The following GALNT18 variants were observed in gnomAD, a reference collection of about 807,000 sequenced individuals.
GALNT18 encodes GalNAc-transferase 18.
A neutral mutation model predicts 69.5 loss-of-function variants in GALNT18; 44 were observed. The ratio of observed to expected loss-of-function variants is 0.63; its 90% confidence interval spans 0.50 to 0.81. The LOEUF (loss-of-function observed/expected upper bound fraction) is 0.81, where lower values mean the gene tolerates loss of function less well. Among genes scored for constraint, GALNT18 ranks in the 40% least tolerant of loss-of-function variants. The pLI, the probability that GALNT18 is intolerant of heterozygous loss-of-function variation, is 0.00. For missense variants in GALNT18, 715 were observed against 810.0 expected, an observed-to-expected ratio of 0.88 and a Z score of 1.42; for synonymous variants, 364 against 318.2, an observed-to-expected ratio of 1.14 and a Z score of -1.53.
At chr11:11,495,770 G>A (rs556814933) in intron 1 of GALNT18, among the ~76,000 whole-genome samples, 2 of 152,180 alleles carry the variant, frequency 1.3e-5, no homozygotes, top group Non-Finnish European at 2.9e-5. Flanking sequence ...CCTCATTATA[G>A]AAGCGGTAGC....
rs1333909827 is a variant in GALNT18, at chr11:11,543,498, G to A, written c.235+77861C>T. Among the ~76,000 whole-genome samples the A allele has an allele frequency of 1.3e-5, 2 of 152,184 alleles. No individual in the cohort carries two copies. The highest frequency in any genetic ancestry group is 2.9e-5 in the Non-Finnish European group (2 of 68,042). ...CCCCACCGTCCCCACCACCCACCAA[G>A]AGCCTGGCTTCTGCACAGGACACCA... is the stretch of plus-strand genomic sequence containing the variant. On this transcript the variant is annotated intron_variant, in intron 1 of 10. Coordinates refer to ENST00000227756, the MANE Select transcript of GALNT18 (RefSeq NM_198516.3). The surrounding 1 kb of genome is among the most constrained non-coding windows in gnomAD (Gnocchi z 5.1).
chr11:11,445,297 G>C (rs1379692068), intron 2 of GALNT18, among the ~76,000 whole-genome samples: 2 of 152,198 alleles, frequency 1.3e-5, no homozygotes, highest in Non-Finnish European at 2.9e-5. Context: ...GTAAGATGAA[G>C]GCTAATCATA....
intron 8 of GALNT18, 54 bp from the exon 9 acceptor site, chr11:11,327,235 A>T (rs879513700): frequency 8.5e-6 from 11 of 1,293,044 alleles, no homozygotes; most frequent in Non-Finnish European, 1.2e-5. Context: ...AGAGAGAGCA[A>T]ATGAATTAAC....
chr11:11,557,975 T>C (rs1355070668), intron 1 of GALNT18, among the ~76,000 whole-genome samples: 1 of 152,196 alleles, frequency 6.6e-6, no homozygotes, highest in East Asian at 1.9e-4. Context: ...ATTAGAAATG[T>C]CCCCAAAGTG....
rs186977131 is a variant in GALNT18 at position 11,549,262 on chromosome 11, T to C, written c.235+72097A>G. ...CCCAGGCCTGTGATCCTGGAAGAGC[T>C]AGACCAGTCCCAGACTGCTTAACTC... On this transcript the variant is annotated intron_variant, in intron 1 of 10. Coordinates refer to ENST00000227756, the MANE Select transcript of GALNT18 (RefSeq NM_198516.3). Among the ~76,000 whole-genome samples the C allele has an allele frequency of 8.5e-5, 13 of 152,330 alleles. No homozygotes were observed. The East Asian group carries it at 2.5e-3, about 29-fold the overall frequency.
At chr11:11,326,182 C>G (rs931945581) in intron 9 of GALNT18, among the ~76,000 whole-genome samples, 1 of 151,620 alleles carries the variant, frequency 6.6e-6, no homozygotes, top group African/African-American at 2.4e-5. Context: ...GTAGCTGGGA[C>G]TACAGGCGCC....
rs1420364386 is a variant in GALNT18 at position 11,546,456 on chromosome 11, A to G, written c.235+74903T>C. 6.6e-6 allele frequency among the ~76,000 whole-genome samples: 1 copy of G among 152,182 alleles called. No individual in the cohort carries two copies. Among genetic ancestry groups the G allele is most frequent in the Non-Finnish European group, 1.5e-5 (1 of 68,024 alleles). ...CATCATCTCTTGCCTGTACTTGAGGACATCCCAGCGCTTATCATCTCAGAA... is the reference window on the plus strand; with the variant it reads ...CATCATCTCTTGCCTGTACTTGAGGGCATCCCAGCGCTTATCATCTCAGAA... On this transcript the variant is annotated intron_variant, in intron 1 of 10. Coordinates refer to ENST00000227756, the MANE Select transcript of GALNT18 (RefSeq NM_198516.3). This position sits in a 1 kb window ranked among gnomAD's most constrained non-coding sequence, Gnocchi z 5.8.
chr11:11,561,106 T>C lies in GALNT18; in HGVS notation c.235+60253A>G, dbSNP rs567888321. Reference sequence around the variant, plus strand: ...AACCCAAATACCATTTGCCTTTTCTTATCAATTCTTGGTTCATTAATCATC... The same window carrying C: ...AACCCAAATACCATTTGCCTTTTCTCATCAATTCTTGGTTCATTAATCATC... On this transcript the variant is annotated intron_variant, in intron 1 of 10. Coordinates refer to ENST00000227756, the MANE Select transcript of GALNT18 (RefSeq NM_198516.3). Among the ~76,000 whole-genome samples, 7 of 152,354 alleles carry C rather than the reference T, an allele frequency of 4.6e-5. No individual in the cohort carries two copies. In the South Asian group the frequency reaches 1.0e-3, roughly 23 times the overall value.
rs190015490 is a variant in GALNT18 at position 11,562,729 on chromosome 11, C to T, written c.235+58630G>A. Among the ~76,000 whole-genome samples, 126 of 152,330 alleles carry T rather than the reference C, an allele frequency of 8.3e-4. 2 individuals carry two copies. In the East Asian group the frequency reaches 0.016, roughly 20 times the overall value. On this transcript the variant is annotated intron_variant, in intron 1 of 10. Coordinates refer to ENST00000227756, the MANE Select transcript of GALNT18 (RefSeq NM_198516.3). The surrounding 1 kb of genome is among the most constrained non-coding windows in gnomAD (Gnocchi z 4.1). Reference sequence around the variant, plus strand: ...TTCCGTAGGGAGAAAGGCTCAACCACGCATTAAGTTCCTCCAAACACAAAG... The same window carrying T: ...TTCCGTAGGGAGAAAGGCTCAACCATGCATTAAGTTCCTCCAAACACAAAG...
intron 8 of GALNT18, among the ~76,000 whole-genome samples, chr11:11,329,139 GC>G (rs1013979567): frequency 2.0e-5 from 3 of 152,112 alleles, no homozygotes; most frequent in Non-Finnish European, 4.4e-5. Context: ...TAATAATAGT[GC>G]CTACCTCATA....
intron 9 of GALNT18, among the ~76,000 whole-genome samples, chr11:11,324,092 C>A (rs1301994072): frequency 1.3e-5 from 2 of 152,298 alleles, no homozygotes; most frequent in South Asian, 4.1e-4. Flanking sequence ...AGGTGGCCAT[C>A]TTCAAGACAA....
At chr11:11,579,205 A>C (rs1004776502) in intron 1 of GALNT18, among the ~76,000 whole-genome samples, 1 of 152,220 alleles carries the variant, frequency 6.6e-6, no homozygotes, top group African/African-American at 2.4e-5. Flanking sequence ...GGAAGGCTCC[A>C]GTCCTGCAGC....
chr11:11,508,266 C>T (rs900045074), intron 1 of GALNT18, among the ~76,000 whole-genome samples: 1 of 152,130 alleles, frequency 6.6e-6, no homozygotes, highest in African/African-American at 2.4e-5. Flanking sequence ...AAATCATTGA[C>T]ATTTTTAGAG....
intron 7 of GALNT18, among the ~76,000 whole-genome samples, chr11:11,334,505 T>G (rs542384972): frequency 6.6e-6 from 1 of 150,670 alleles, no homozygotes; most frequent in African/African-American, 2.4e-5. Context: ...ATCGCACCAT[T>G]GCACTCCAGC....
chr11:11,372,188 C>T lies in GALNT18; in HGVS notation c.1092+327G>A, dbSNP rs936166255. ...AGGGTCACTCTTGTCCAGCCACTCTCGATGCCTGTTATTGCTTCCTAGAGC... is the reference window on the plus strand; with the variant it reads ...AGGGTCACTCTTGTCCAGCCACTCTTGATGCCTGTTATTGCTTCCTAGAGC... On this transcript the variant is annotated intron_variant, in intron 6 of 10. Transcript: ENST00000227756. This position sits in a 1 kb window ranked among gnomAD's most constrained non-coding sequence, Gnocchi z 4.9. Among the ~76,000 whole-genome samples the T allele has an allele frequency of 3.9e-5, 6 of 152,158 alleles. No individual in the cohort carries two copies. The highest frequency in any genetic ancestry group is 9.7e-5 in the African/African-American group (4 of 41,418).
At position 11,595,801 on chromosome 11, in the gene GALNT18, T is replaced by C. The variant is rs368944035; in HGVS notation, c.235+25558A>G. On this transcript the variant is annotated intron_variant, in intron 1 of 10. Transcript: ENST00000227756. This position sits in a 1 kb window ranked among gnomAD's most constrained non-coding sequence, Gnocchi z 5.2. ...GGATATTAACCCCTTACCAGATAAA[T>C]GACTCCCAAATATTTTCCCCAATTC... 6.6e-6 allele frequency among the ~76,000 whole-genome samples: 1 copy of C among 152,314 alleles called. No homozygotes were observed. The highest frequency in any genetic ancestry group is 2.4e-5 in the African/African-American group (1 of 41,572).
intron 6 of GALNT18, chr11:11,352,668 C>T (rs1408970183): frequency 1.2e-6 from 2 of 1,614,108 alleles, no homozygotes; most frequent in East Asian, 2.2e-5. Context: ...GTGCATAATT[C>T]CCATGCTGTG....
chr11:11,533,374 G>C (rs1268196453), intron 1 of GALNT18, among the ~76,000 whole-genome samples: 1 of 152,184 alleles, frequency 6.6e-6, no homozygotes, highest in Non-Finnish European at 1.5e-5. Flanking sequence ...AGGTACCCAG[G>C]TCTGCCTTGT....
chr11:11,403,566 C>T (rs1380642843), intron 3 of GALNT18, among the ~76,000 whole-genome samples: 4 of 152,220 alleles, frequency 2.6e-5, no homozygotes, highest in Non-Finnish European at 4.4e-5. Flanking sequence ...GGTCAGATCA[C>T]ATTTTCTTCC....
Sources: gnomAD v4.1 joint callset for allele counts (sites outside exome capture counted in the v4.1 genomes callset) on GRCh38, gnomAD v4.1.1 for gene constraint, Gnocchi (gnomAD v3.1) non-coding constraint, MANE v1.5 for transcripts, NCBI Gene and HGNC (gene_info 2026-07-23, HGNC 2026-07-21) for gene names.